The following ASMT variants were observed in gnomAD, a reference collection of about 807,000 sequenced individuals.
The protein encoded by ASMT is acetylserotonin O-methyltransferase.
ASMT carries 53 observed loss-of-function variants against 41.3 expected under a neutral mutation model. That is an observed-to-expected ratio of 1.28 (90% CI 1.03 to 1.61). The LOEUF (loss-of-function observed/expected upper bound fraction) is 1.61, where lower values mean the gene tolerates loss of function less well. Among genes scored for constraint, ASMT ranks in the 40% most tolerant of loss-of-function variants. The pLI, the probability that ASMT is intolerant of heterozygous loss-of-function variation, is 0.00. For missense variants in ASMT, 531 were observed against 441.3 expected, an observed-to-expected ratio of 1.20 and a Z score of -1.82; for synonymous variants, 231 against 184.8, an observed-to-expected ratio of 1.25 and a Z score of -2.03.
intron 7 of ASMT, among the ~76,000 whole-genome samples, chrX:1,634,290 C>G (rs1273476173): frequency 6.6e-6 from 1 of 152,148 alleles, no homozygotes; most frequent in Non-Finnish European, 1.5e-5. Context: ...TTGTCTTCTC[C>G]CAGTGGAGCT....
At chrX:1,619,425 G>A (rs1934256824) in intron 1 of ASMT, among the ~76,000 whole-genome samples, 1 of 150,436 alleles carries the variant, frequency 6.6e-6, no homozygotes, top group African/African-American at 2.4e-5. Context: ...GGGCTGGGGA[G>A]GGAGAGCACT....
chrX:1,635,699 TA>T (rs1380989017), intron 7 of ASMT, among the ~76,000 whole-genome samples: 24 of 151,632 alleles, frequency 1.6e-4, no homozygotes, highest in Admixed American at 1.6e-3. Flanking sequence ...CCATCTCTAC[TA>T]AAAATACAAA....
At position 1,625,831 on chromosome X, in the gene ASMT, G is replaced by A. The variant is rs759374286; in HGVS notation, c.374+1433G>A. On this transcript the variant is annotated intron_variant, in intron 3 of 8. Transcript: ENST00000381241. ...TAGCCGGGCGTGGTGGCGGGCGCCT[G>A]TAGTCCCAGCTACTCGGAGAGGCTG... is the stretch of plus-strand genomic sequence containing the variant. Among the ~76,000 whole-genome samples the A allele has an allele frequency of 4.8e-3, 721 of 151,668 alleles. 4 individuals are homozygous for A. Among genetic ancestry groups the A allele is most frequent in the African/African-American group, 0.017 (693 of 41,406 alleles).
chrX:1,627,219 G>C (rs1351045479), intron 3 of ASMT, among the ~76,000 whole-genome samples: 4 of 151,282 alleles, frequency 2.6e-5, no homozygotes, highest in Admixed American at 6.6e-5. Context: ...CCAGCTACTC[G>C]GGAGGCTGAG....
At position 1,641,529 on chromosome X, in the gene ASMT, T is replaced by TGA. The variant is rs369899486; in HGVS notation, c.911-1274_911-1273insGA. Among the ~76,000 whole-genome samples, 111 of 122,502 alleles carry TGA rather than the reference T, an allele frequency of 9.1e-4. 1 individual carries two copies. The highest frequency in any genetic ancestry group is 3.4e-3 in the African/African-American group (105 of 30,706). 80.4% of individuals were successfully genotyped at this position (122,502 alleles called of 152,430 possible). On this transcript the variant is annotated intron_variant, in intron 8 of 8. Transcript: ENST00000381241. ...CGTGAGCACAGCCTCTGTGTGTGTG[T>TGA]TGGGGACAGTGTCCCAGTTCTCCTG...
At chrX:1,616,736 T>G (rs1934130999) in intron 1 of ASMT, among the ~76,000 whole-genome samples, 1 of 150,528 alleles carries the variant, frequency 6.6e-6, no homozygotes, top group Non-Finnish European at 1.5e-5. Flanking sequence ...TGAGACAGAG[T>G]CTCGCTCTGT....
chrX:1,627,206 A>T (rs1266795802), intron 3 of ASMT, among the ~76,000 whole-genome samples: 1 of 150,718 alleles, frequency 6.6e-6, no homozygotes, highest in African/African-American at 2.4e-5. Flanking sequence ...GGTGCCTGTA[A>T]TCCCAGCTAC....
rs147476723 is a variant in ASMT at position 1,634,314 on chromosome X, A to G, written c.787+1024A>G. ...CCCAGTGGAGCTGTGGACAGCAATC[A>G]ATTCCCCCAACAACAAGGTTTGACA... On this transcript the variant is annotated intron_variant, in intron 7 of 8. Transcript: ENST00000381241. 5.6e-3 allele frequency among the ~76,000 whole-genome samples: 848 copies of G among 152,274 alleles called. 10 individuals are homozygous for G. Among genetic ancestry groups the G allele is most frequent in the African/African-American group, 0.019 (794 of 41,556 alleles).
rs1260094452 is a variant in ASMT at position 1,633,261 on chromosome X, A to G, written c.758A>G (p.Gln253Arg). Residue 253 changes from glutamine to arginine, a missense_variant, in exon 7 of 9, where the codon CAG (glutamine) becomes CGG (arginine). Gln to Arg is a conservative substitution (Grantham distance 43). Coordinates refer to ENST00000381241, the MANE Select transcript of ASMT (RefSeq NM_001171038.2). ...VWTAKQHFSF[Q>R]EEEQIDFQEG... is the part of the protein sequence containing the mutation. ...ACGGCAAAGCAGCACTTCTCATTCC[A>G]GGAGGAAGAACAGATTGACTTCCAG... is the stretch of plus-strand genomic sequence containing the variant. 3.1e-6 allele frequency: 5 copies of G among 1,613,804 alleles called. No individual in the cohort carries two copies. Among genetic ancestry groups the G allele is most frequent in the Middle Eastern group, 3.3e-4 (2 of 6,078 alleles).
At position 1,620,265 on chromosome X, in the gene ASMT, G is replaced by A. The variant is rs748229804; in HGVS notation, c.70-2874G>A. Among the ~76,000 whole-genome samples the A allele has an allele frequency of 8.0e-5, 11 of 136,974 alleles. No homozygotes were observed. The South Asian group carries it at 2.0e-3, about 25-fold the overall frequency. The allele number at this position is 136,974 out of a possible 152,430, so 89.9% of individuals were successfully genotyped here. On this transcript the variant is annotated intron_variant, in intron 1 of 8. Transcript: ENST00000381241. The stretch of plus-strand genomic sequence containing the variant: ...CAGCTCACTGCAACCTCCGCCTCCC[G>A]GGTTCAGGCGATTCTCCTGCCTCAG...
At chrX:1,642,747 G>T in intron 8 of ASMT, 56 bp from the exon 9 acceptor site, 1 of 1,539,982 alleles carries the variant, frequency 6.5e-7, no homozygotes, top group Non-Finnish European at 9.0e-7. Context: ...CTGGGACTTT[G>T]GCACAGTCTG....
rs1315620272 is a variant in ASMT at position 1,615,063 on chromosome X, G to A, written c.-137G>A. 1 of 748,292 alleles carries A rather than the reference G, an allele frequency of 1.3e-6. No individual in the cohort carries two copies. Among genetic ancestry groups the A allele is most frequent in the Non-Finnish European group, 2.4e-6 (1 of 415,292 alleles). 46.4% of individuals were successfully genotyped at this position (748,292 alleles called of 1,614,324 possible). A position where few individuals can be genotyped will look rare whatever the true frequency, so the allele number is the denominator to read the frequency against. ...TTTCTAGAGTGATCCGTCTTTGTTTGAGTACTGGGCAGGCAGCAGGGAGAG... is the reference window on the plus strand; with the variant it reads ...TTTCTAGAGTGATCCGTCTTTGTTTAAGTACTGGGCAGGCAGCAGGGAGAG... On this transcript the variant is annotated 5_prime_UTR_variant, in exon 1 of 9. Coordinates refer to ENST00000381241, the MANE Select transcript of ASMT (RefSeq NM_001171038.2).
At chrX:1,626,481 G>A (rs776252201) in intron 3 of ASMT, among the ~76,000 whole-genome samples, 21 of 152,088 alleles carry the variant, frequency 1.4e-4, no homozygotes, top group Admixed American at 5.9e-4. Context: ...ATCTGCCCCC[G>A]TCTTGGCCTC....
rs1482893295 is a variant in ASMT, at chrX:1,641,995, G to A, written c.911-808G>A. ...GTCCACCCATCCGATGGTTCATGAG[G>A]ACGTGGGCACAGCCTCTGTGTGTAA... On this transcript the variant is annotated intron_variant, in intron 8 of 8. Transcript: ENST00000381241. Among the ~76,000 whole-genome samples the A allele has an allele frequency of 2.0e-5, 3 of 149,326 alleles. No individual in the cohort carries two copies. The South Asian group carries it at 6.4e-4, about 32-fold the overall frequency.
At position 1,619,949 on chromosome X, in the gene ASMT, C is replaced by T. The variant is rs1384945140; in HGVS notation, c.70-3190C>T. On this transcript the variant is annotated intron_variant, in intron 1 of 8. Transcript: ENST00000381241. ...TACTAAAAATATTTTAAAAATTAGCCGGGCGTGGTGGTGGGCGCCTGTAGT... is the reference window on the plus strand; with the variant it reads ...TACTAAAAATATTTTAAAAATTAGCTGGGCGTGGTGGTGGGCGCCTGTAGT... Among the ~76,000 whole-genome samples, 5 of 150,434 alleles carry T rather than the reference C, an allele frequency of 3.3e-5. No homozygotes were observed. In the Admixed American group the frequency reaches 3.3e-4, roughly 10 times the overall value.
rs1481319375 is a variant in ASMT, at chrX:1,632,769, C to T, written c.628C>T (p.Arg210Cys). The change falls in exon 6 of 9, where the codon CGC becomes TGC. Residue 210 changes from arginine (R) to cysteine (C), a missense_variant. Arg to Cys is a radical substitution (Grantham distance 180). Transcript: ENST00000381241. ...KLSQGQKTKH[R>C]VFSLIGGAGA... ...ATCGCAAGGACAGAAAACCAAACAC[C>T]GCGTGTTCTCACTCATAGGTGGGAA... 6 of 355,662 alleles carry T rather than the reference C, an allele frequency of 1.7e-5. No individual in the cohort carries two copies. Among genetic ancestry groups the T allele is most frequent in the East Asian group, 1.3e-4 (2 of 15,750 alleles). The allele number at this position is 355,662 out of a possible 1,614,324, so 22.0% of individuals were successfully genotyped here.
chrX:1,636,082 A>G (rs1172393065), intron 7 of ASMT, among the ~76,000 whole-genome samples: 8 of 149,934 alleles, frequency 5.3e-5, no homozygotes, highest in Non-Finnish European at 7.4e-5. Context: ...CAGCCTCCCG[A>G]GTAGCTGGGA....
chrX:1,642,352 T>TGAG (rs1935218490), intron 8 of ASMT, among the ~76,000 whole-genome samples: 1 of 141,824 alleles, frequency 7.1e-6, no homozygotes, highest in Non-Finnish European at 1.5e-5. Flanking sequence ...CCTCTGTGTG[T>TGAG]ATAATGGGGA....
intron 7 of ASMT, among the ~76,000 whole-genome samples, chrX:1,635,752 C>A (rs1157420541): frequency 6.6e-6 from 1 of 151,624 alleles, no homozygotes; most frequent in Non-Finnish European, 1.5e-5. Flanking sequence ...ATCCCAGCTA[C>A]TCAGGAGGCT....
Sources: gnomAD v4.1 joint callset for allele counts (sites outside exome capture counted in the v4.1 genomes callset) on GRCh38, gnomAD v4.1.1 for gene constraint, MANE v1.5 for transcripts, NCBI Gene and HGNC (gene_info 2026-07-23, HGNC 2026-07-21) for gene names.